The following KIAA0513 variants were observed in gnomAD, a reference collection of about 807,000 sequenced individuals.
KIAA0513 encodes the protein uncharacterized protein KIAA0513.
In KIAA0513, 39 loss-of-function variants were observed where a neutral mutation model predicts 56.5. The ratio of observed to expected loss-of-function variants is 0.69; its 90% CI spans 0.53 to 0.90. The LOEUF (loss-of-function observed/expected upper bound fraction) is 0.90. Among genes scored for constraint, KIAA0513 ranks in the 40% least tolerant of loss-of-function variants. The pLI is 0.00. For synonymous variants in KIAA0513, 268 were observed against 215.6 expected (o/e 1.24, Z -2.13); for missense variants, 591 against 535.2 (o/e 1.10, Z -1.03).
chr16:85,064,217 G>A (rs562661059), intron 1 of KIAA0513, among the ~76,000 whole-genome samples: 242 of 152,040 alleles, frequency 1.6e-3, no homozygotes, highest in African/African-American at 5.7e-3. Context: ...TGTTGGCCAG[G>A]CTGGTGTCGA....
chr16:85,039,338 T>C (rs972400559), intron 1 of KIAA0513, among the ~76,000 whole-genome samples: 2 of 152,270 alleles, frequency 1.3e-5, no homozygotes, highest in Non-Finnish European at 2.9e-5. Context: ...GGTCTCACTC[T>C]GTTGCCCAGG....
At chr16:85,037,324 T>C (rs1440570004) in intron 1 of KIAA0513, among the ~76,000 whole-genome samples, 1 of 152,082 alleles carries the variant, frequency 6.6e-6, no homozygotes, top group Non-Finnish European at 1.5e-5. Context: ...AGTCAGTGCG[T>C]GTGGACGGCT....
chr16:85,035,508 AGAGAT>A (rs1402703348), intron 1 of KIAA0513, among the ~76,000 whole-genome samples: 2 of 152,110 alleles, frequency 1.3e-5, no homozygotes, highest in African/African-American at 4.8e-5. Context: ...GTTTGTTTTT[AGAGAT>A]GAGATCTTGC....
intron 1 of KIAA0513, among the ~76,000 whole-genome samples, chr16:85,060,715 A>C (rs1383911237): frequency 6.6e-6 from 1 of 152,052 alleles, no homozygotes; most frequent in African/African-American, 2.4e-5. Flanking sequence ...GTGGTAGCAC[A>C]TGCCTATAGT....
chr16:85,082,804 G>C (rs1224091528), intron 10 of KIAA0513, among the ~76,000 whole-genome samples: 1 of 152,228 alleles, frequency 6.6e-6, no homozygotes, highest in African/African-American at 2.4e-5. Flanking sequence ...GGGCAGGTGG[G>C]AGCCTGCCAA....
chr16:85,034,104 C>G (rs1188615177), intron 1 of KIAA0513, among the ~76,000 whole-genome samples: 1 of 152,206 alleles, frequency 6.6e-6, no homozygotes, highest in African/African-American at 2.4e-5. Flanking sequence ...TGAGGCCAGG[C>G]ATGGTGGCTG....
chr16:85,041,413 G>A (rs1344711153), intron 1 of KIAA0513, among the ~76,000 whole-genome samples: 1 of 152,156 alleles, frequency 6.6e-6, no homozygotes, highest in East Asian at 1.9e-4. Flanking sequence ...GGCTCCTACT[G>A]GCATCTGCCT....
intron 1 of KIAA0513, among the ~76,000 whole-genome samples, chr16:85,031,713 G>A (rs924050919): frequency 4.6e-5 from 7 of 152,068 alleles, no homozygotes; most frequent in Admixed American, 3.3e-4. Context: ...CCCTTTCCAT[G>A]GCCAGCTTCC....
chr16:85,075,692 C>T, intron 4 of KIAA0513, 152 bp from the exon 5 acceptor site: 3 of 665,892 alleles, frequency 4.5e-6, no homozygotes, highest in East Asian at 2.8e-5. Flanking sequence ...TGTAGTTCTC[C>T]TAATGGAACT....
chr16:85,065,280 G>A (rs1351232798), intron 1 of KIAA0513, among the ~76,000 whole-genome samples: 4 of 152,196 alleles, frequency 2.6e-5, no homozygotes, highest in Admixed American at 6.5e-5. Flanking sequence ...GAGACTAGGC[G>A]CCCTGGCCGG....
At position 85,089,216 on chromosome 16, in the gene KIAA0513, T is replaced by C. The variant is rs1054755712; in HGVS notation, c.*891T>C. On this transcript the variant is annotated 3_prime_UTR_variant, in exon 13 of 13. Transcript: ENST00000683363. The surrounding 1 kb of genome is among the most constrained non-coding windows in gnomAD (Gnocchi z 4.2). ...TTTAGTAGCCACTAGACAACCACCC[T>C]TTCTGAAAGCAAACAGTGCTGCTCT... 2 of 152,256 alleles carry C rather than the reference T, an allele frequency of 1.3e-5. No homozygotes were observed. The highest frequency in any genetic ancestry group is 4.8e-5 in the African/African-American group (2 of 41,468). 9.4% of individuals were successfully genotyped at this position (152,256 alleles called of 1,614,324 possible). A position where few individuals can be genotyped will look rare whatever the true frequency, so the allele number is the denominator to read the frequency against.
At chr16:85,038,345 C>T (rs745687160) in intron 1 of KIAA0513, among the ~76,000 whole-genome samples, 1 of 152,190 alleles carries the variant, frequency 6.6e-6, no homozygotes, top group African/African-American at 2.4e-5. Context: ...AAATGCAAGA[C>T]GCACCACGTG....
At chr16:85,033,485 C>A (rs1187492521) in intron 1 of KIAA0513, among the ~76,000 whole-genome samples, 1 of 152,222 alleles carries the variant, frequency 6.6e-6, no homozygotes, top group Admixed American at 6.5e-5. Context: ...GAATACGATG[C>A]CCTGCCACTT....
At chr16:85,057,774 T>G (rs1259815412) in intron 1 of KIAA0513, among the ~76,000 whole-genome samples, 1 of 151,826 alleles carries the variant, frequency 6.6e-6, no homozygotes, top group South Asian at 2.1e-4. Context: ...TTTTTGTTTT[T>G]TTTTTTTTTC....
In KIAA0513 at chr16:85,081,251, G is replaced by T. The variant is rs551614313; in HGVS notation, c.903-64G>T. 16 of 1,449,966 alleles carry T rather than the reference G, an allele frequency of 1.1e-5. No individual in the cohort carries two copies. In the African/African-American group the frequency reaches 1.3e-4, roughly 11 times the overall value. The allele number at this position is 1,449,966 out of a possible 1,614,324, so 89.8% of individuals were successfully genotyped here. On this transcript the variant is annotated intron_variant, in intron 8 of 12. Coordinates refer to ENST00000683363, the MANE Select transcript of KIAA0513 (RefSeq NM_001388359.1). The surrounding 1 kb of genome is among the most constrained non-coding windows in gnomAD (Gnocchi z 4.4). ...ACTGCCCTTGTTTATCCCTCAAGGG[G>T]CCCACAACCCGTGTCCTCCCCGCCT...
chr16:85,053,085 C>G (rs2073277616), intron 1 of KIAA0513, among the ~76,000 whole-genome samples: 1 of 152,036 alleles, frequency 6.6e-6, no homozygotes, highest in African/African-American at 2.4e-5. Context: ...AACAGGGTTT[C>G]ACCATGTTGG....
At position 85,094,064 on chromosome 16, in the gene KIAA0513, G is replaced by A. The variant is rs149440068; in HGVS notation, c.*5739G>A. On this transcript the variant is annotated 3_prime_UTR_variant, in exon 13 of 13. Transcript: ENST00000683363. ...ATTTTTGCAATCTTGTGTCCCGCTC[G>A]GTGATGTTCTACAAACTCTGTTTTA... The A allele has an allele frequency of 9.9e-5, 15 of 152,244 alleles. No homozygotes were observed. In the East Asian group the frequency reaches 2.7e-3, roughly 27 times the overall value. The allele number at this position is 152,244 out of a possible 1,614,324, so 9.4% of individuals were successfully genotyped here.
intron 1 of KIAA0513, among the ~76,000 whole-genome samples, chr16:85,059,835 A>G (rs999329753): frequency 5.9e-5 from 9 of 152,244 alleles, no homozygotes; most frequent in Non-Finnish European, 8.8e-5. Context: ...AAGGCCCTTC[A>G]TGTAGTGCGT....
At chr16:85,061,639 C>A (rs1250506625) in intron 1 of KIAA0513, among the ~76,000 whole-genome samples, 2 of 152,156 alleles carry the variant, frequency 1.3e-5, no homozygotes, top group Non-Finnish European at 2.9e-5. Flanking sequence ...CTGCAGGGAG[C>A]TCTTGTCTGA....
Sources: gnomAD v4.1 joint callset for allele counts (sites outside exome capture counted in the v4.1 genomes callset) on GRCh38, gnomAD v4.1.1 for gene constraint, Gnocchi (gnomAD v3.1) non-coding constraint, MANE v1.5 for transcripts, NCBI Gene and HGNC (gene_info 2026-07-23, HGNC 2026-07-21) for gene names.